The following ACOX1 variants were observed in gnomAD, a reference collection of about 807,000 sequenced individuals.
ACOX1 encodes peroxisomal acyl-coenzyme A oxidase 1.
A neutral mutation model predicts 75.5 loss-of-function variants in ACOX1; 41 were observed. The observed-to-expected ratio is 0.54, with a 90% CI of 0.42 to 0.70. The LOEUF is 0.70. Among genes scored for constraint, ACOX1 ranks in the 30% least tolerant of loss-of-function variants. The pLI is 0.00. For synonymous variants in ACOX1, 303 were observed against 298.8 expected, an observed-to-expected ratio of 1.01 and a Z score of -0.15; for missense variants, 630 against 837.5, an observed-to-expected ratio of 0.75 and a Z score of 3.06.
chr17:75,950,970 A>G lies in ACOX1; in HGVS notation c.1108-6T>C. 6.2e-7 allele frequency: 1 copy of G among 1,613,754 alleles called. No homozygotes were observed. On this transcript the variant is annotated splice_region_variant and splice_polypyrimidine_tract_variant and intron_variant, in intron 8 of 13. Transcript: ENST00000293217. The surrounding 1 kb of genome is among the most constrained non-coding windows in gnomAD (Gnocchi z 4.3). ...CCAGCGGTGAGGGCATGAAGCTGAG[A>G]GGACAAGCACAGATCTGTCAGGACA...
chr17:75,977,611 GA>G (rs925863394), intron 2 of ACOX1, among the ~76,000 whole-genome samples: 1 of 152,062 alleles, frequency 6.6e-6, no homozygotes, highest in Non-Finnish European at 1.5e-5. Context: ...CACATGGTCT[GA>G]AAAAAGGATA....
At chr17:75,969,366 A>T (rs1424181367) in intron 2 of ACOX1, among the ~76,000 whole-genome samples, 3 of 151,714 alleles carry the variant, frequency 2.0e-5, no homozygotes, top group Non-Finnish European at 2.9e-5. Context: ...GGGTTTCTCC[A>T]TGTTGGTCAG....
rs1251754030 is a variant in ACOX1, at chr17:75,979,119, G to C, written c.-46C>G. 2 of 1,604,422 alleles carry C rather than the reference G, an allele frequency of 1.2e-6. No homozygotes were observed. Among genetic ancestry groups the C allele is most frequent in the African/African-American group, 2.7e-5 (2 of 74,916 alleles). Reference sequence around the variant, plus strand: ...GAAGTAAGCACCGACCGAGGTGGCAGTGACAATCTAAATCCGCAGCTCCAG... The same window carrying C: ...GAAGTAAGCACCGACCGAGGTGGCACTGACAATCTAAATCCGCAGCTCCAG... On this transcript the variant is annotated 5_prime_UTR_variant, in exon 1 of 14. Transcript: ENST00000293217.
Position 75,950,796 on chromosome 17 carries a change from C to T in ACOX1, c.1276G>A (p.Val426Ile). ...CACCTAGCCGTCTGGAGCATCATGA[C>T]AGTGTTTTCTCCCTCAAAGGTACAG... ...PSCTFEGENT[V>I]MMLQTARFLM... is the part of the protein sequence containing the mutation. The change falls in exon 9 of 14, where the codon GTC (valine) becomes ATC (isoleucine). Residue 426 changes from valine to isoleucine, a missense_variant. Physicochemically the swap from Val to Ile is conservative, Grantham distance 29 (BLOSUM62 3). Around this residue, in one of 2 missense-constraint regions of ACOX1, gnomAD observed 390 missense variants for 574.9 expected, o/e 0.68. Transcript: ENST00000293217. This position sits in a 1 kb window ranked among gnomAD's most constrained non-coding sequence, Gnocchi z 4.3. The T allele has an allele frequency of 6.2e-7, 1 of 1,614,140 alleles. No homozygotes were observed. The highest frequency in any genetic ancestry group is 2.2e-5 in the East Asian group (1 of 44,884).
intron 6 of ACOX1, 126 bp downstream of exon 6, chr17:75,955,440 G>A (rs2065815106): frequency 4.8e-6 from 4 of 826,388 alleles, no homozygotes; most frequent in Non-Finnish European, 4.1e-6. Flanking sequence ...TGGGATAACA[G>A]GAATATGCCA....
At chr17:75,964,286 T>C (rs1404212403) in intron 2 of ACOX1, among the ~76,000 whole-genome samples, 1 of 152,078 alleles carries the variant, frequency 6.6e-6, no homozygotes, top group Non-Finnish European at 1.5e-5. Context: ...CCCAGCCTTT[T>C]GAGTACTGTC....
At chr17:75,958,434 C>T (rs1473784441) in intron 3 of ACOX1, among the ~76,000 whole-genome samples, 2 of 147,650 alleles carry the variant, frequency 1.4e-5, no homozygotes, top group Admixed American at 6.7e-5. Flanking sequence ...TTTGGGAGGC[C>T]GAGGTGGGGG....
chr17:75,962,907 G>A (rs1212695315), intron 2 of ACOX1, among the ~76,000 whole-genome samples: 1 of 152,080 alleles, frequency 6.6e-6, no homozygotes, highest in African/African-American at 2.4e-5. Context: ...CGAGGCAGGG[G>A]GATCACCTGA....
At chr17:75,954,217 A>G (rs187269853) in intron 6 of ACOX1, among the ~76,000 whole-genome samples, 1,934 of 146,836 alleles carry the variant, frequency 0.013, 53 homozygotes, top group African/African-American at 0.046. Flanking sequence ...CTCTGTCTCA[A>G]AAAAAAAAAA....
chr17:75,978,937 G>A lies in ACOX1; in HGVS notation c.109+28C>T, dbSNP rs762195353. On this transcript the variant is annotated intron_variant, in intron 1 of 13. Coordinates refer to ENST00000293217, the MANE Select transcript of ACOX1 (RefSeq NM_004035.7). The surrounding 1 kb of genome is among the most constrained non-coding windows in gnomAD (Gnocchi z 4.2). ...GGAGTCTCCAGCTTTTCTCGGGAAA[G>A]GAGGGAGGTCTCGCCCGCCGCCCTC... 2 of 1,607,744 alleles carry A rather than the reference G, an allele frequency of 1.2e-6. No individual in the cohort carries two copies. Among genetic ancestry groups the A allele is most frequent in the South Asian group, 2.2e-5 (2 of 91,070 alleles).
chr17:75,963,271 A>G (rs73357503), intron 2 of ACOX1, among the ~76,000 whole-genome samples: 2 of 152,130 alleles, frequency 1.3e-5, no homozygotes, highest in African/African-American at 4.8e-5. Context: ...CCCAGACTTC[A>G]CCATTACATA....
Position 75,978,443 on chromosome 17 carries a change from A to G in ACOX1, c.269+91T>C, listed in dbSNP as rs1225281153. On this transcript the variant is annotated intron_variant, in intron 2 of 13. Coordinates refer to ENST00000293217, the MANE Select transcript of ACOX1 (RefSeq NM_004035.7). This position sits in a 1 kb window ranked among gnomAD's most constrained non-coding sequence, Gnocchi z 4.2. Reference sequence around the variant, plus strand: ...TGAAAATATGCCAGTTTGCATCTTCAAACACCAAGCACGGTGATGAAAGGC... The same window carrying G: ...TGAAAATATGCCAGTTTGCATCTTCGAACACCAAGCACGGTGATGAAAGGC... 2 of 1,542,360 alleles carry G rather than the reference A, an allele frequency of 1.3e-6. No individual in the cohort carries two copies. The highest frequency in any genetic ancestry group is 1.8e-6 in the Non-Finnish European group (2 of 1,116,896).
chr17:75,974,913 G>A (rs1013007957), intron 2 of ACOX1, among the ~76,000 whole-genome samples: 3 of 151,420 alleles, frequency 2.0e-5, no homozygotes, highest in Non-Finnish European at 4.4e-5. Flanking sequence ...AGCCGGGTGT[G>A]GTGGTGGGCT....
intron 2 of ACOX1, among the ~76,000 whole-genome samples, chr17:75,964,928 G>C (rs1175972162): frequency 6.6e-6 from 1 of 151,886 alleles, no homozygotes; most frequent in African/African-American, 2.4e-5. Flanking sequence ...ATATGAGAAA[G>C]GAAGAAATAA....
At position 75,978,878 on chromosome 17, in the gene ACOX1, C is replaced by G. The variant is rs1368244592; in HGVS notation, c.109+87G>C. On this transcript the variant is annotated intron_variant, in intron 1 of 13. Coordinates refer to ENST00000293217, the MANE Select transcript of ACOX1 (RefSeq NM_004035.7). This position sits in a 1 kb window ranked among gnomAD's most constrained non-coding sequence, Gnocchi z 4.2. ...CTCCCCTAACGCTGGGCCAGAGGGC[C>G]TAGGCCCCACAGCGCCCCTGACTCC... 1 of 1,600,732 alleles carries G rather than the reference C, an allele frequency of 6.2e-7. No individual in the cohort carries two copies. Among genetic ancestry groups the G allele is most frequent in the East Asian group, 2.2e-5 (1 of 44,814 alleles).
rs572895309 is a variant in ACOX1 at position 75,943,216 on chromosome 17, C to CAA, written c.*3530_*3531dup. 0.21 allele frequency: 22,891 copies of CAA among 107,592 alleles called. 2,216 individuals carry two copies. The highest frequency in any genetic ancestry group is 0.26 in the Non-Finnish European group (13,047 of 50,982). The allele number at this position is 107,592 out of a possible 1,614,324, so 6.7% of individuals were successfully genotyped here. A position where few individuals can be genotyped will look rare whatever the true frequency, so the allele number is the denominator to read the frequency against. On this transcript the variant is annotated 3_prime_UTR_variant, in exon 14 of 14. Transcript: ENST00000293217. ...CATTCCCGCCTGGGAGACTCCATCT[C>CAA]AAAAAAAAAAAAAAAAAAATTAACA...
intron 13 of ACOX1, among the ~76,000 whole-genome samples, chr17:75,947,253 T>TC (rs1402562986): frequency 1.3e-5 from 2 of 151,438 alleles, no homozygotes; most frequent in Admixed American, 1.3e-4. Flanking sequence ...TCTTAGTTTT[T>TC]TTTTTTTTTT....
At chr17:75,973,473 AT>A (rs1410100645) in intron 2 of ACOX1, 2 of 810,684 alleles carry the variant, frequency 2.5e-6, no homozygotes, top group Non-Finnish European at 4.1e-6. Context: ...TCCAGGGAAA[AT>A]GTCTAGGAGA....
chr17:75,955,956 T>A lies in ACOX1; in HGVS notation c.539-9A>T, dbSNP rs755622185. On this transcript the variant is annotated splice_polypyrimidine_tract_variant and intron_variant, in intron 4 of 13. Transcript: ENST00000293217. ...ATTTGAAGTCTTTCCAACTGTAATA[T>A]CAAAGAGAACAAGGGAGGGGTGGGC... 3 of 1,610,004 alleles carry A rather than the reference T, an allele frequency of 1.9e-6. No individual in the cohort carries two copies. The South Asian group carries it at 3.3e-5, about 18-fold the overall frequency.
Sources: gnomAD v4.1 joint callset for allele counts (sites outside exome capture counted in the v4.1 genomes callset) on GRCh38, gnomAD v4.1.1 for gene constraint, gnomAD v4.1.1 regional missense constraint, Gnocchi (gnomAD v3.1) non-coding constraint, MANE v1.5 for transcripts, NCBI Gene and HGNC (gene_info 2026-07-23, HGNC 2026-07-21) for gene names.